P3H1: variants seen among roughly 807,000 people sequenced by gnomAD.
P3H1 encodes growth suppressor 1.
P3H1 carries 69 observed loss-of-function variants against 84.0 expected under a neutral mutation model. The observed-to-expected ratio is 0.82, with a 90% confidence interval of 0.68 to 1.00. P3H1 has a LOEUF of 1.00. P3H1 is among the 50% of genes least tolerant of loss of function. The pLI, the probability that P3H1 is intolerant of heterozygous loss-of-function variation, is 0.00. For synonymous variants in P3H1, 366 were observed against 388.8 expected (o/e 0.94, Z 0.69); for missense variants, 878 against 962.8 (o/e 0.91, Z 1.17).
Position 42,759,207 on chromosome 1 carries a change from T to C in P3H1, c.802A>G (p.Ile268Val), listed in dbSNP as rs1293843205. Reference sequence around the variant, plus strand: ...GGCTCTGAACTGCACGCACCTGTGATGGCCTGGAAGAGGTCAGCGTTGTAC... The same window carrying C: ...GGCTCTGAACTGCACGCACCTGTGACGGCCTGGAAGAGGTCAGCGTTGTAC... ...LEYNADLFQAITDHYIQVLNC... is the reference protein window; with the variant it reads ...LEYNADLFQAVTDHYIQVLNC... The change falls in exon 3 of 15, where the codon ATC becomes GTC. Residue 268 changes from isoleucine (I) to valine (V), a missense_variant. Transcript: ENST00000296388. 1 of 1,614,116 alleles carries C rather than the reference T, an allele frequency of 6.2e-7. No individual in the cohort carries two copies. Among genetic ancestry groups the C allele is most frequent in the African/African-American group, 1.3e-5 (1 of 74,936 alleles).
At chr1:42,764,945 C>T (rs1475715177) in intron 1 of P3H1, among the ~76,000 whole-genome samples, 1 of 152,198 alleles carries the variant, frequency 6.6e-6, no homozygotes, top group East Asian at 1.9e-4. Flanking sequence ...CTTCTTTACT[C>T]TCTAAGCACT....
Position 42,747,754 on chromosome 1 carries a change from TAA to T in P3H1, c.1881_1882del (p.Phe627LeufsTer4), listed in dbSNP as rs769409112. The T allele has an allele frequency of 1.2e-6, 2 of 1,614,140 alleles. No homozygotes were observed. On this transcript the variant is annotated frameshift_variant, in exon 13 of 15. Transcript: ENST00000296388. LOFTEE classifies it high-confidence loss of function. ...GGTCTTGGCATCCAGTTCAGTGAAATAAAAGTTTCCGCCATCGAAGTCCCCAT... is the reference window on the plus strand; with the variant it reads ...GGTCTTGGCATCCAGTTCAGTGAAATAAGTTTCCGCCATCGAAGTCCCCAT...
rs578161008 is a variant in P3H1 at position 42,747,321 on chromosome 1, C to A, written c.2006G>T (p.Arg669Leu). 6.2e-7 allele frequency: 1 copy of A among 1,611,350 alleles called. No individual in the cohort carries two copies. Among genetic ancestry groups the A allele is most frequent in the Non-Finnish European group, 8.5e-7 (1 of 1,178,150 alleles). Residue 669 changes from arginine to leucine, a missense_variant, in exon 14 of 15, where the codon CGC becomes CTC. Coordinates refer to ENST00000296388, the MANE Select transcript of P3H1 (RefSeq NM_022356.4). ...GGTGAACCACAGGGCGATGGCACAG[C>A]GCTGCCCCCTGGTGACAGCCTTCAC... ...HGVKAVTRGQ[R>L]CAIALWFTLD...
rs1331801586 is a variant in P3H1, at chr1:42,767,026, T to TACCCCCGGCGAAGGCCC, written c.-56_-55insGGGCCTTCGCCGGGGGT. On this transcript the variant is annotated 5_prime_UTR_variant, in exon 1 of 15. Coordinates refer to ENST00000296388, the MANE Select transcript of P3H1 (RefSeq NM_022356.4). ...CCACCCGCCACCAAGGCCGGAGTCC[T>TACCCCCGGCGAAGGCCC]ACCCCCGGCGAAGGCCCGCCCCCGG... The TACCCCCGGCGAAGGCCC allele has an allele frequency of 2.5e-6, 4 of 1,577,060 alleles. No individual in the cohort carries two copies. Among genetic ancestry groups the TACCCCCGGCGAAGGCCC allele is most frequent in the African/African-American group, 1.3e-5 (1 of 74,470 alleles).
At chr1:42,763,469 T>C (rs970455671) in intron 1 of P3H1, among the ~76,000 whole-genome samples, 6 of 151,118 alleles carry the variant, frequency 4.0e-5, no homozygotes, top group Non-Finnish European at 5.9e-5. Flanking sequence ...GTCAGGAGTT[T>C]GAGACCAGCC....
chr1:42,750,635 G>C (rs1203668579), intron 10 of P3H1, among the ~76,000 whole-genome samples: 1 of 110,116 alleles, frequency 9.1e-6, no homozygotes, highest in Non-Finnish European at 1.9e-5. Context: ...CAGCCACCCC[G>C]TCCGGGAGGG....
At chr1:42,758,713 G>T in intron 4 of P3H1, 139 bp downstream of exon 4, 1 of 1,034,226 alleles carries the variant, frequency 9.7e-7, no homozygotes, top group Non-Finnish European at 1.5e-6. Flanking sequence ...ACTACCCAGG[G>T]ATCACTTGGC....
intron 5 of P3H1, among the ~76,000 whole-genome samples, 194 bp downstream of exon 5, chr1:42,757,589 C>T (rs1055088994): frequency 2.6e-5 from 4 of 152,150 alleles, no homozygotes; most frequent in Non-Finnish European, 4.4e-5. Flanking sequence ...CTCCTGTGTA[C>T]TCCCCACACT....
chr1:42,755,087 T>C, intron 7 of P3H1, 78 bp downstream of exon 7: 1 of 1,612,960 alleles, frequency 6.2e-7, no homozygotes, highest in Non-Finnish European at 8.5e-7. Flanking sequence ...TGCCAGGAGT[T>C]CACATCTGCC....
Position 42,759,258 on chromosome 1 carries a change from C to T in P3H1, c.751G>A (p.Asp251Asn). 1 of 1,614,188 alleles carries T rather than the reference C, an allele frequency of 6.2e-7. No individual in the cohort carries two copies. Among genetic ancestry groups the T allele is most frequent in the Middle Eastern group, 1.6e-4 (1 of 6,062 alleles). Residue 251 changes from aspartate (D) to asparagine (N), a missense_variant, in exon 3 of 15, where the codon GAC becomes AAC. Physicochemically the swap from Asp to Asn is conservative, Grantham distance 23 (BLOSUM62 1). Coordinates refer to ENST00000296388, the MANE Select transcript of P3H1 (RefSeq NM_022356.4). ...TCAAGGTAGTTGTAGCCATCGTAGT[C>T]ATAGGGCCCTTCGCAGAGGGCACGG... ...ECRALCEGPY[D>N]YDGYNYLEYN...
At chr1:42,762,224 T>C in intron 2 of P3H1, 99 bp downstream of exon 2, 1 of 1,251,930 alleles carries the variant, frequency 8.0e-7, no homozygotes, top group South Asian at 1.2e-5. Flanking sequence ...TGAGCTATGA[T>C]CAAGCCACTG....
At chr1:42,748,147 G>C in intron 12 of P3H1, 53 bp downstream of exon 12, 1 of 1,312,292 alleles carries the variant, frequency 7.6e-7, no homozygotes, top group Non-Finnish European at 1.1e-6. Context: ...GGGCACTGTG[G>C]GGCCTCTGAG....
chr1:42,757,665 C>T, intron 5 of P3H1, 118 bp downstream of exon 5: 1 of 1,464,236 alleles, frequency 6.8e-7, no homozygotes, highest in East Asian at 2.3e-5. Context: ...CTGGCCCCAA[C>T]ACTGACATCT....
intron 1 of P3H1, among the ~76,000 whole-genome samples, chr1:42,763,403 A>G (rs1343931141): frequency 6.6e-6 from 1 of 151,704 alleles, no homozygotes; most frequent in Non-Finnish European, 1.5e-5. Flanking sequence ...CGGGGGCGGT[A>G]GCTCATGCCT....
intron 1 of P3H1, among the ~76,000 whole-genome samples, chr1:42,764,851 T>G (rs149836343): frequency 6.6e-6 from 1 of 152,320 alleles, no homozygotes; most frequent in East Asian, 1.9e-4. Context: ...TTTCATGGAA[T>G]TACTCTAGCT....
At chr1:42,750,484 C>T in intron 10 of P3H1, 148 bp from the exon 11 acceptor site, 1 of 840,642 alleles carries the variant, frequency 1.2e-6, no homozygotes, top group Non-Finnish European at 2.0e-6. Context: ...GGGGGTGGAT[C>T]TTTCCCGTGC....
intron 11 of P3H1, among the ~76,000 whole-genome samples, chr1:42,749,411 C>T (rs1290756127): frequency 6.6e-6 from 1 of 152,226 alleles, no homozygotes; most frequent in African/African-American, 2.4e-5. Flanking sequence ...CCTTGCAGCA[C>T]TAGCTGAACC....
rs376714509 is a variant in P3H1 at position 42,759,319 on chromosome 1, C to G, written c.690G>C (p.Ala230=). The change falls in exon 3 of 15, where the codon GCG becomes GCC. Residue 230 remains alanine (A), a synonymous_variant. Coordinates refer to ENST00000296388, the MANE Select transcript of P3H1 (RefSeq NM_022356.4). ...AGGCCACAAAGTATTCTTGCAGCGC[C>G]GCCTCTAGGTGGGGCACAGCTTCCT... ...QPQEAVPHLE[A]ALQEYFVAYE... is the part of the protein sequence containing the mutation. The G allele has an allele frequency of 6.2e-6, 10 of 1,614,054 alleles. No homozygotes were observed. In the South Asian group the frequency reaches 9.9e-5, roughly 16 times the overall value.
chr1:42,759,492 G>A, intron 2 of P3H1, 102 bp from the exon 3 acceptor site: 1 of 989,232 alleles, frequency 1.0e-6, no homozygotes, highest in Admixed American at 2.0e-5. Context: ...TGTTCCTCAG[G>A]TTATGGATGG....
Sources: gnomAD v4.1 joint callset for allele counts (sites outside exome capture counted in the v4.1 genomes callset) on GRCh38, gnomAD v4.1.1 for gene constraint, MANE v1.5 for transcripts, NCBI Gene and HGNC (gene_info 2026-07-23, HGNC 2026-07-21) for gene names.